Variants in DMXL2 observed in about 807,000 individuals in gnomAD.
DMXL2 encodes Dmx like 2.
Under a neutral mutation model 331.1 loss-of-function variants are expected in DMXL2, and 103 were observed. The ratio of observed to expected loss-of-function variants is 0.31; its 90% CI spans 0.27 to 0.37. DMXL2 has a LOEUF of 0.37. Among genes scored for constraint, DMXL2 ranks in the 10% least tolerant of loss-of-function variants. The pLI is 1.00. For missense variants in DMXL2, 3,171 were observed against 3,642.9 expected, an observed-to-expected ratio of 0.87 and a Z score of 3.33; for synonymous variants, 1,281 against 1,252.1, an observed-to-expected ratio of 1.02 and a Z score of -0.49.
chr15:51,494,651 T>C (rs771448884), intron 19 of DMXL2, among the ~76,000 whole-genome samples: 2 of 152,016 alleles, frequency 1.3e-5, no homozygotes. Context: ...AATGCTTACA[T>C]TAAAGTAAAT....
chr15:51,618,725 C>T (rs955019768), intron 1 of DMXL2, among the ~76,000 whole-genome samples: 2 of 152,072 alleles, frequency 1.3e-5, no homozygotes, highest in African/African-American at 2.4e-5. Flanking sequence ...ATAATTTATC[C>T]TTCGTATTAT....
At position 51,499,534 on chromosome 15, in the gene DMXL2, C is replaced by G. The variant is rs1274979167; in HGVS notation, c.3690G>C (p.Trp1230Cys). 6.2e-7 allele frequency: 1 copy of G among 1,613,938 alleles called. No individual in the cohort carries two copies. The highest frequency in any genetic ancestry group is 1.3e-5 in the African/African-American group (1 of 74,902). Residue 1230 changes from tryptophan to cysteine, a missense_variant, in exon 18 of 44, where the codon TGG (tryptophan) becomes TGC (cysteine). Physicochemically the swap from Trp to Cys is radical, Grantham distance 215. Coordinates refer to ENST00000560891, the MANE Select transcript of DMXL2 (RefSeq NM_001378457.1). ...CCAAGTCTATAGATCTAAGAAGAAC[C>G]CATCTTGACTTAACTCCTTGCTTGA... is the stretch of plus-strand genomic sequence containing the variant. ...GSIKQGVKSR[W>C]VLLRSIDLVS... is the part of the protein sequence containing the mutation.
intron 33 of DMXL2, 53 bp downstream of exon 33, chr15:51,463,326 T>C: frequency 1.7e-6 from 2 of 1,143,966 alleles, no homozygotes; most frequent in Non-Finnish European, 2.5e-6. Flanking sequence ...TCCTTAGAAA[T>C]GTTAAAGAAA....
chr15:51,529,791 A>G (rs1304260140), intron 13 of DMXL2, among the ~76,000 whole-genome samples: 2 of 152,172 alleles, frequency 1.3e-5, no homozygotes, highest in South Asian at 4.1e-4. Context: ...AAACCAAACA[A>G]AGACACATCA....
intron 41 of DMXL2, 103 bp from the exon 42 acceptor site, chr15:51,451,800 T>C: frequency 9.7e-7 from 1 of 1,027,242 alleles, no homozygotes; most frequent in Non-Finnish European, 1.5e-6. Context: ...TATTCATTCT[T>C]ATCTTTTTTG....
rs1463271073 is a variant in DMXL2 at position 51,448,238 on chromosome 15, G to A, written c.*746C>T. ...AACCTTGAATACACGAAAAGAAAAA[G>A]TACTAAACTGGACTAAGAAGGTGTG... On this transcript the variant is annotated 3_prime_UTR_variant, in exon 44 of 44. Transcript: ENST00000560891. 6.6e-6 allele frequency: 1 copy of A among 152,554 alleles called. No individual in the cohort carries two copies. Among genetic ancestry groups the A allele is most frequent in the African/African-American group, 2.4e-5 (1 of 41,424 alleles). The allele number at this position is 152,554 out of a possible 1,614,324, so 9.5% of individuals were successfully genotyped here.
chr15:51,491,124 T>C (rs1244092216), intron 20 of DMXL2, among the ~76,000 whole-genome samples: 1 of 152,152 alleles, frequency 6.6e-6, no homozygotes, highest in Non-Finnish European at 1.5e-5. Flanking sequence ...GGTCAAGTTT[T>C]TGTAATCTCC....
chr15:51,556,324 C>G (rs1244165158), intron 6 of DMXL2, among the ~76,000 whole-genome samples: 1 of 118,346 alleles, frequency 8.4e-6, no homozygotes, highest in Non-Finnish European at 1.6e-5. Context: ...CCCTGGGTGA[C>G]AGAGCGAGAC....
At chr15:51,601,905 A>G (rs1310722478) in intron 1 of DMXL2, among the ~76,000 whole-genome samples, 1 of 152,210 alleles carries the variant, frequency 6.6e-6, no homozygotes, top group Non-Finnish European at 1.5e-5. Context: ...GTCTCTCAAT[A>G]AAGTTTATTA....
rs2040290023 is a variant in DMXL2, at chr15:51,463,323, A to C, written c.7926+56T>G. The C allele has an allele frequency of 2.7e-6, 3 of 1,125,894 alleles. No homozygotes were observed. In the Admixed American group the frequency reaches 6.4e-5, roughly 24 times the overall value. 69.7% of individuals were successfully genotyped at this position (1,125,894 alleles called of 1,614,324 possible). ...ATAAATCAAGCACTGATTTCCTTAG[A>C]AATGTTAAAGAAAACTAAAGAAAAA... is the stretch of plus-strand genomic sequence containing the variant. On this transcript the variant is annotated intron_variant, in intron 33 of 43. Transcript: ENST00000560891.
At chr15:51,552,347 T>C (rs551046254) in intron 6 of DMXL2, among the ~76,000 whole-genome samples, 1 of 152,280 alleles carries the variant, frequency 6.6e-6, no homozygotes, top group African/African-American at 2.4e-5. Context: ...GAGACTACTG[T>C]AAAGGTCTGC....
chr15:51,599,428 A>C (rs538191958), intron 1 of DMXL2, among the ~76,000 whole-genome samples: 1 of 152,322 alleles, frequency 6.6e-6, no homozygotes, highest in East Asian at 1.9e-4. Flanking sequence ...ATCTATAGAC[A>C]GACACACACA....
At chr15:51,611,488 TTAAG>T (rs2053966040) in intron 1 of DMXL2, among the ~76,000 whole-genome samples, 1 of 152,220 alleles carries the variant, frequency 6.6e-6, no homozygotes, top group East Asian at 1.9e-4. Flanking sequence ...TACCAAAATG[TTAAG>T]TGGGGTTATC....
At chr15:51,550,828 G>C (rs997168634) in intron 6 of DMXL2, among the ~76,000 whole-genome samples, 2 of 151,996 alleles carry the variant, frequency 1.3e-5, no homozygotes, top group African/African-American at 4.8e-5. Flanking sequence ...AGTAAGTAAG[G>C]CTTTATTTTA....
At position 51,481,007 on chromosome 15, in the gene DMXL2, A is replaced by G. The variant is rs1162646395; in HGVS notation, c.6099T>C (p.Thr2033=). ...PQEEDDPEGD[T]EVDVIAEQLK... ...GTTGTTCAGCAATCACATCAACTTC[A>G]GTATCACCTTCAGGATCATCCTCTT... The change falls in exon 24 of 44, where the codon ACT becomes ACC. Residue 2033 remains threonine, a synonymous_variant. Transcript: ENST00000560891. The G allele has an allele frequency of 2.5e-6, 4 of 1,614,050 alleles. No individual in the cohort carries two copies. The highest frequency in any genetic ancestry group is 8.5e-7 in the Non-Finnish European group (1 of 1,180,022).
chr15:51,486,006 G>A, intron 23 of DMXL2, 67 bp downstream of exon 23: 1 of 1,444,052 alleles, frequency 6.9e-7, no homozygotes, highest in Non-Finnish European at 9.3e-7. Context: ...TAATCTAAGT[G>A]AACATTAGTT....
intron 1 of DMXL2, among the ~76,000 whole-genome samples, chr15:51,596,558 A>G (rs2052823844): frequency 6.6e-6 from 1 of 152,216 alleles, no homozygotes; most frequent in African/African-American, 2.4e-5. Context: ...TGACCCAGCA[A>G]TCCCATTACT....
intron 15 of DMXL2, among the ~76,000 whole-genome samples, chr15:51,508,677 T>C (rs1291336663): frequency 6.6e-6 from 1 of 152,130 alleles, no homozygotes; most frequent in African/African-American, 2.4e-5. Flanking sequence ...CAACAATAAA[T>C]TCAACAGTAG....
At chr15:51,481,789 T>C (rs1002147614) in intron 23 of DMXL2, among the ~76,000 whole-genome samples, 166 bp from the exon 24 acceptor site, 1 of 152,198 alleles carries the variant, frequency 6.6e-6, no homozygotes, top group Non-Finnish European at 1.5e-5. Flanking sequence ...ACAGCTGAAA[T>C]AGAAAGAATT....
Sources: allele counts gnomAD v4.1 joint callset (sites outside exome capture counted in the v4.1 genomes callset), GRCh38; gene constraint gnomAD v4.1.1; transcripts MANE v1.5; gene names NCBI Gene and HGNC (gene_info 2026-07-23, HGNC 2026-07-21).